Variants in IRAG1 observed in about 807,000 individuals in gnomAD.
IRAG1 encodes the protein IP3R-associated cGMP kinase substrate.
Under a neutral mutation model 106.2 loss-of-function variants are expected in IRAG1, and 62 were observed. The ratio of observed to expected loss-of-function variants is 0.58; its 90% CI spans 0.48 to 0.72. The LOEUF is 0.72. Ranked by LOEUF, IRAG1 falls within the 30% of genes least tolerant of loss-of-function variation. The pLI, the probability that IRAG1 is intolerant of heterozygous loss-of-function variation, is 0.00. For synonymous variants in IRAG1, 462 were observed against 443.9 expected, an observed-to-expected ratio of 1.04 and a Z score of -0.51; for missense variants, 1,064 against 1,140.7, an observed-to-expected ratio of 0.93 and a Z score of 0.97.
At chr11:10,615,013 A>G (rs1855281118) in intron 10 of IRAG1, among the ~76,000 whole-genome samples, 1 of 152,246 alleles carries the variant, frequency 6.6e-6, no homozygotes. Flanking sequence ...ACAGAACAGG[A>G]GAAAATTTTT....
intron 2 of IRAG1, among the ~76,000 whole-genome samples, chr11:10,644,790 A>G (rs1372030952): frequency 6.6e-6 from 1 of 152,200 alleles, no homozygotes; most frequent in African/African-American, 2.4e-5. Flanking sequence ...CCTTTGGGTC[A>G]CACACCTTTT....
Position 10,626,148 on chromosome 11 carries a change from C to A in IRAG1, c.1186G>T (p.Asp396Tyr), listed in dbSNP as rs146441244. 5 of 1,540,228 alleles carry A rather than the reference C, an allele frequency of 3.2e-6. No homozygotes were observed. The African/African-American group carries it at 6.9e-5, about 21-fold the overall frequency. Residue 396 changes from aspartate (D) to tyrosine (Y), a missense_variant, in exon 9 of 21, where the codon GAC becomes TAC. Coordinates refer to ENST00000423302, the MANE Select transcript of IRAG1 (RefSeq NM_130385.4). ...GGGCCAGGTTCTTCAGGGCCACTGT[C>A]CCAGGAGAGCCCTCGCAGCAGCGGG... ...RPPLLRGLSW[D>Y]SGPEEPGPRL... is the part of the protein sequence containing the mutation.
intron 1 of IRAG1, among the ~76,000 whole-genome samples, chr11:10,680,368 A>AAG (rs1861089430): frequency 1.2e-5 from 1 of 80,954 alleles, no homozygotes; most frequent in Non-Finnish European, 2.3e-5. Flanking sequence ...AAAGAAAGAA[A>AAG]GAAGGAAGGA....
intron 1 of IRAG1, among the ~76,000 whole-genome samples, chr11:10,661,269 T>TC (rs1037803595): frequency 2.6e-5 from 4 of 152,170 alleles, no homozygotes; most frequent in African/African-American, 7.2e-5. Flanking sequence ...CCTTCTGTCC[T>TC]CCTTCTATAC....
rs111474767 is a variant in IRAG1, at chr11:10,623,398, G to A, written c.1447+380C>T. On this transcript the variant is annotated intron_variant, in intron 10 of 20. Coordinates refer to ENST00000423302, the MANE Select transcript of IRAG1 (RefSeq NM_130385.4). The stretch of plus-strand genomic sequence containing the variant: ...AGCTACCCAGCAGGGCAGGGCTGGG[G>A]TATGGACTTTGTGGTGACAGCAGAT... Among the ~76,000 whole-genome samples the A allele has an allele frequency of 4.0e-3, 609 of 152,350 alleles. 4 individuals are homozygous for A. Among genetic ancestry groups the A allele is most frequent in the Middle Eastern group, 0.031 (9 of 294 alleles).
At chr11:10,689,195 ATT>A (rs77700346) in intron 1 of IRAG1, among the ~76,000 whole-genome samples, 1 of 152,008 alleles carries the variant, frequency 6.6e-6, no homozygotes, top group Non-Finnish European at 1.5e-5. Flanking sequence ...GCCTGCTCTC[ATT>A]TTTTTAAGAA....
Position 10,639,814 on chromosome 11 carries a change from A to C in IRAG1, c.226-5743T>G, listed in dbSNP as rs930909148. ...TACTGAAGAGTCTTACAGAGCAAAG[A>C]CCTTCTTGGAGAAGAGAGGGGCACT... On this transcript the variant is annotated intron_variant, in intron 2 of 20. Coordinates refer to ENST00000423302, the MANE Select transcript of IRAG1 (RefSeq NM_130385.4). 2.0e-5 allele frequency among the ~76,000 whole-genome samples: 3 copies of C among 152,284 alleles called. No homozygotes were observed. The South Asian group carries it at 6.2e-4, about 32-fold the overall frequency.
At chr11:10,621,091 T>A (rs997645550) in intron 10 of IRAG1, among the ~76,000 whole-genome samples, 2 of 152,176 alleles carry the variant, frequency 1.3e-5, no homozygotes, top group Non-Finnish European at 2.9e-5. Context: ...GGGTTGTGGG[T>A]GAAATTTTAA....
intron 2 of IRAG1, among the ~76,000 whole-genome samples, chr11:10,643,353 C>A (rs534864845): frequency 3.3e-5 from 5 of 152,126 alleles, no homozygotes; most frequent in African/African-American, 1.2e-4. Flanking sequence ...CAAAGGCTCC[C>A]CGGTGTCTTC....
At chr11:10,674,879 A>C (rs1033591169) in intron 1 of IRAG1, among the ~76,000 whole-genome samples, 1 of 152,200 alleles carries the variant, frequency 6.6e-6, no homozygotes, top group African/African-American at 2.4e-5. Flanking sequence ...CGAGAGTCCA[A>C]GCTACACAAT....
At chr11:10,689,637 C>T (rs1288854896) in intron 1 of IRAG1, among the ~76,000 whole-genome samples, 1 of 152,068 alleles carries the variant, frequency 6.6e-6, no homozygotes, top group African/African-American at 2.4e-5. Context: ...AGAAGAGGAA[C>T]AGTGATTAAA....
intron 2 of IRAG1, among the ~76,000 whole-genome samples, chr11:10,640,972 T>C (rs1451544126): frequency 6.6e-6 from 1 of 152,262 alleles, no homozygotes; most frequent in African/African-American, 2.4e-5. Flanking sequence ...GCCCCAGTTA[T>C]ATTTGAATTT....
intron 1 of IRAG1, among the ~76,000 whole-genome samples, chr11:10,685,726 G>GA (rs11403147): frequency 0.43 from 58,600 of 135,494 alleles, 12,855 homozygotes; most frequent in Middle Eastern, 0.52. Flanking sequence ...TGCCTCTCTT[G>GA]AAAAAAAAAA....
intron 10 of IRAG1, among the ~76,000 whole-genome samples, chr11:10,614,028 G>C (rs2134433356): frequency 6.6e-6 from 1 of 152,158 alleles, no homozygotes; most frequent in African/African-American, 2.4e-5. Context: ...ACAACTACGG[G>C]CCACCCTATA....
rs369557267 is a variant in IRAG1 at position 10,652,222 on chromosome 11, T to A, written c.68-40A>T. 8 of 1,606,626 alleles carry A rather than the reference T, an allele frequency of 5.0e-6. No homozygotes were observed. In the African/African-American group the frequency reaches 8.0e-5, roughly 16 times the overall value. ...AAAGGACAAGTCAAATCCATTCCCA[T>A]CCCTGTCCCAAGCTGGGTTCCATTT... On this transcript the variant is annotated intron_variant, in intron 1 of 20. Coordinates refer to ENST00000423302, the MANE Select transcript of IRAG1 (RefSeq NM_130385.4).
intron 1 of IRAG1, among the ~76,000 whole-genome samples, chr11:10,690,088 G>A (rs1229119689): frequency 3.3e-5 from 5 of 152,148 alleles, no homozygotes; most frequent in Admixed American, 2.0e-4. Flanking sequence ...TGTCTTCTCC[G>A]CTAGGAAAAG....
At chr11:10,631,021 G>A (rs1028026098) in intron 4 of IRAG1, among the ~76,000 whole-genome samples, 18 of 152,218 alleles carry the variant, frequency 1.2e-4, no homozygotes, top group African/African-American at 4.1e-4. Flanking sequence ...CACTGATGGG[G>A]CGTAAGCTTG....
Position 10,629,706 on chromosome 11 carries a change from C to T in IRAG1, c.406G>A (p.Ala136Thr), listed in dbSNP as rs374788544. ...TTCACCAGGTCAATGATGTGCCCCGCGGGGTCTGCAGAAGGAGGATGAGCT... is the reference window on the plus strand; with the variant it reads ...TTCACCAGGTCAATGATGTGCCCCGTGGGGTCTGCAGAAGGAGGATGAGCT... ...STASLTSVDP[A>T]GHIIDLVNDQ... is the part of the protein sequence containing the mutation. Residue 136 changes from alanine (A) to threonine (T), a missense_variant, in exon 5 of 21, where the codon GCG (alanine) becomes ACG (threonine). By Grantham distance (58) the Ala-to-Thr change is moderately conservative. Transcript: ENST00000423302. 2.3e-5 allele frequency: 37 copies of T among 1,612,966 alleles called. No individual in the cohort carries two copies. Among genetic ancestry groups the T allele is most frequent in the Middle Eastern group, 1.7e-4 (1 of 6,056 alleles).
At chr11:10,599,268 A>G (rs1032576338) in intron 15 of IRAG1, among the ~76,000 whole-genome samples, 1 of 152,120 alleles carries the variant, frequency 6.6e-6, no homozygotes, top group East Asian at 1.9e-4. Flanking sequence ...TTACCTCTAT[A>G]TTCCAGTATT....
Sources: allele counts gnomAD v4.1 joint callset (sites outside exome capture counted in the v4.1 genomes callset), GRCh38; gene constraint gnomAD v4.1.1; transcripts MANE v1.5; gene names NCBI Gene and HGNC (gene_info 2026-07-23, HGNC 2026-07-21).